The following SIPA1L1 variants were observed in gnomAD, a reference collection of about 807,000 sequenced individuals.
SIPA1L1 encodes signal-induced proliferation-associated 1-like protein 1.
A neutral mutation model predicts 162.7 loss-of-function variants in SIPA1L1; 26 were observed. That is an observed-to-expected ratio of 0.16 (90% CI 0.12 to 0.22). The LOEUF is 0.22. Among genes scored for constraint, SIPA1L1 ranks in the 10% least tolerant of loss-of-function variants. SIPA1L1 has a pLI of 1.00. For missense variants in SIPA1L1, 1,874 were observed against 2,241.0 expected (o/e 0.84, Z 3.31); for synonymous variants, 829 against 837.4 (o/e 0.99, Z 0.17).
At chr14:71,462,633 G>A (rs896189086) in intron 2 of SIPA1L1, among the ~76,000 whole-genome samples, 5 of 152,144 alleles carry the variant, frequency 3.3e-5, no homozygotes, top group African/African-American at 9.7e-5. Context: ...TTTTACTGAA[G>A]TGGAAGGTCC....
At chr14:71,671,039 T>C (rs931276347) in intron 10 of SIPA1L1, 80 bp from the exon 11 acceptor site, 4 of 1,160,780 alleles carry the variant, frequency 3.4e-6, no homozygotes, top group Non-Finnish European at 4.9e-6. Flanking sequence ...TACATCTTTG[T>C]CTTTGAGAAA....
intron 2 of SIPA1L1, among the ~76,000 whole-genome samples, chr14:71,460,197 G>A (rs750549864): frequency 6.6e-6 from 1 of 152,166 alleles, no homozygotes; most frequent in Non-Finnish European, 1.5e-5. Flanking sequence ...CTGACCACGT[G>A]GTCGTAGCTG....
At chr14:71,374,365 C>T (rs181939112) in intron 2 of SIPA1L1, among the ~76,000 whole-genome samples, 12 of 151,966 alleles carry the variant, frequency 7.9e-5, no homozygotes, top group East Asian at 1.9e-4. Context: ...CTAATTTTGT[C>T]GGTAAACTTA....
chr14:71,394,774 A>G (rs914745074), intron 2 of SIPA1L1, among the ~76,000 whole-genome samples: 2 of 152,240 alleles, frequency 1.3e-5, no homozygotes, highest in Non-Finnish European at 2.9e-5. Context: ...TCTAAAGTTA[A>G]GATAAACTTA....
chr14:71,450,422 A>C (rs972067595), intron 2 of SIPA1L1, among the ~76,000 whole-genome samples: 2 of 152,204 alleles, frequency 1.3e-5, no homozygotes, highest in Admixed American at 6.5e-5. Flanking sequence ...ACTTCACAGA[A>C]ATGAGTCATT....
At chr14:71,690,619 C>T (rs539658989) in intron 13 of SIPA1L1, among the ~76,000 whole-genome samples, 2 of 152,290 alleles carry the variant, frequency 1.3e-5, no homozygotes, top group African/African-American at 4.8e-5. Context: ...ACTACTCCCT[C>T]CTTCTTCAAA....
Position 71,417,683 on chromosome 14 carries a change from G to T in SIPA1L1, c.-464-95060G>T, listed in dbSNP as rs75913963. 0.012 allele frequency among the ~76,000 whole-genome samples: 1,812 copies of T among 151,854 alleles called. 150 individuals are homozygous for T. The East Asian group carries it at 0.22, about 18-fold the overall frequency. On this transcript the variant is annotated intron_variant, in intron 2 of 23. Transcript: ENST00000381232. ...GAGGAAGGGGAGGCAGGAGAGGCAG[G>T]CACACTTGGTGTAACTGTTATTGAA...
At chr14:71,649,450 C>T (rs912572205) in intron 7 of SIPA1L1, among the ~76,000 whole-genome samples, 9 of 152,114 alleles carry the variant, frequency 5.9e-5, no homozygotes, top group Non-Finnish European at 8.8e-5. Flanking sequence ...CCTCAGCCTC[C>T]CAAAGTGCTG....
intron 8 of SIPA1L1, among the ~76,000 whole-genome samples, chr14:71,653,666 T>G (rs2149124976): frequency 6.6e-6 from 1 of 152,302 alleles, no homozygotes; most frequent in East Asian, 1.9e-4. Flanking sequence ...TGCAAACAGT[T>G]GTTTCAGCTA....
At chr14:71,648,303 T>C (rs2149043802) in intron 7 of SIPA1L1, among the ~76,000 whole-genome samples, 1 of 152,138 alleles carries the variant, frequency 6.6e-6, no homozygotes, top group East Asian at 1.9e-4. Flanking sequence ...CTCAAAAATA[T>C]ATATATATAT....
chr14:71,397,253 CCAT>C (rs1184077959), intron 2 of SIPA1L1, among the ~76,000 whole-genome samples: 2 of 152,096 alleles, frequency 1.3e-5, no homozygotes, highest in Non-Finnish European at 2.9e-5. Context: ...CATTTTTCCT[CCAT>C]CATGACATTT....
intron 2 of SIPA1L1, among the ~76,000 whole-genome samples, chr14:71,499,549 G>A (rs1001573185): frequency 1.3e-5 from 2 of 152,004 alleles, no homozygotes; most frequent in Admixed American, 1.3e-4. Context: ...AATTTGTTAT[G>A]CAAATATCAT....
chr14:71,601,227 G>A (rs1481031104), intron 5 of SIPA1L1, among the ~76,000 whole-genome samples: 1 of 152,070 alleles, frequency 6.6e-6, no homozygotes, highest in Non-Finnish European at 1.5e-5. Context: ...GTTAGCTGTG[G>A]GTTGGTCATA....
At chr14:71,451,965 G>A (rs946603405) in intron 2 of SIPA1L1, among the ~76,000 whole-genome samples, 3 of 152,006 alleles carry the variant, frequency 2.0e-5, no homozygotes. Context: ...CACCACTCTG[G>A]TCTTCCAAAT....
intron 4 of SIPA1L1, among the ~76,000 whole-genome samples, chr14:71,584,232 A>G (rs148950742): frequency 7.3e-4 from 111 of 152,300 alleles, no homozygotes; most frequent in African/African-American, 2.4e-3. Flanking sequence ...GAGGTTCAGG[A>G]TGGAGGATGG....
intron 2 of SIPA1L1, among the ~76,000 whole-genome samples, chr14:71,371,888 A>T (rs149392041): frequency 2.0e-4 from 31 of 152,192 alleles, no homozygotes; most frequent in Non-Finnish European, 2.6e-4. Context: ...AAAATAAAAC[A>T]GTTCTAAGTG....
intron 2 of SIPA1L1, among the ~76,000 whole-genome samples, chr14:71,348,713 C>A (rs918085255): frequency 6.6e-6 from 1 of 152,180 alleles, no homozygotes; most frequent in Admixed American, 6.5e-5. Context: ...GCTAAACCCA[C>A]TGTTTAATTT....
In SIPA1L1 at chr14:71,738,128, G is replaced by A. The variant is rs538306313; in HGVS notation, c.5124-113G>A. On this transcript the variant is annotated intron_variant, in intron 22 of 23. Coordinates refer to ENST00000381232, the MANE Select transcript of SIPA1L1 (RefSeq NM_001386936.1). ...TCGCCATACTGAGTAATTTGACATTGAAAACCATTTTATAAATACAGCCTC... is the reference window on the plus strand; with the variant it reads ...TCGCCATACTGAGTAATTTGACATTAAAAACCATTTTATAAATACAGCCTC... 115 of 539,906 alleles carry A rather than the reference G, an allele frequency of 2.1e-4. No homozygotes were observed. In the African/African-American group the frequency reaches 2.8e-3, roughly 13 times the overall value. 33.4% of individuals were successfully genotyped at this position (539,906 alleles called of 1,614,324 possible).
At chr14:71,421,698 T>C (rs2043197746) in intron 2 of SIPA1L1, among the ~76,000 whole-genome samples, 1 of 152,222 alleles carries the variant, frequency 6.6e-6, no homozygotes, top group Non-Finnish European at 1.5e-5. Context: ...ACTCCCTCCC[T>C]CCCTTTCTTC....
Sources: allele counts gnomAD v4.1 joint callset (sites outside exome capture counted in the v4.1 genomes callset), GRCh38; gene constraint gnomAD v4.1.1; transcripts MANE v1.5; gene names NCBI Gene and HGNC (gene_info 2026-07-23, HGNC 2026-07-21).